JARID2: variants seen among roughly 807,000 people sequenced by gnomAD.
JARID2 encodes jumonji and AT-rich interaction domain containing 2, also known as protein Jumonji.
In JARID2, 21 loss-of-function variants were observed where a neutral mutation model predicts 125.6. That is an observed-to-expected ratio of 0.17 (90% CI 0.12 to 0.24). The LOEUF is 0.24. Among genes scored for constraint, JARID2 ranks in the 10% least tolerant of loss-of-function variants. JARID2 has a pLI of 1.00. For synonymous variants in JARID2, 736 were observed against 661.6 expected (o/e 1.11, Z -1.73); for missense variants, 1,303 against 1,639.6 (o/e 0.79, Z 3.55).
At chr6:15,332,970 C>T (rs1338134734) in intron 1 of JARID2, among the ~76,000 whole-genome samples, 3 of 121,538 alleles carry the variant, frequency 2.5e-5, no homozygotes, top group Non-Finnish European at 4.8e-5. Context: ...GAGACGGAGT[C>T]GCCCAGGCTG....
At chr6:15,383,168 A>ATT (rs572325061) in intron 2 of JARID2, among the ~76,000 whole-genome samples, 8 of 146,186 alleles carry the variant, frequency 5.5e-5, no homozygotes, top group African/African-American at 1.0e-4. Context: ...GTAGTCTAGA[A>ATT]TTTTTTTTTT....
chr6:15,379,301 T>A (rs1168948074), intron 2 of JARID2, among the ~76,000 whole-genome samples: 1 of 152,098 alleles, frequency 6.6e-6, no homozygotes, highest in Admixed American at 6.5e-5. Context: ...AGTGGTAAGA[T>A]TTGCTGATTG....
intron 2 of JARID2, among the ~76,000 whole-genome samples, chr6:15,383,944 G>A (rs941111114): frequency 1.3e-5 from 2 of 152,212 alleles, no homozygotes; most frequent in South Asian, 2.1e-4. Flanking sequence ...ACAGGCATGC[G>A]CCAAGACGCC....
intron 4 of JARID2, among the ~76,000 whole-genome samples, chr6:15,462,899 C>T (rs907140967): frequency 2.0e-5 from 3 of 152,212 alleles, no homozygotes; most frequent in Non-Finnish European, 4.4e-5. Context: ...TTAAAATGAT[C>T]TCTGTTGTTG....
chr6:15,415,573 G>GGCAGA (rs1766125358), intron 3 of JARID2, among the ~76,000 whole-genome samples: 1 of 150,012 alleles, frequency 6.7e-6, no homozygotes. Context: ...CTCCCGGACG[G>GGCAGA]GGCTGCTGGC....
At chr6:15,454,796 T>A (rs1768081475) in intron 4 of JARID2, among the ~76,000 whole-genome samples, 1 of 152,068 alleles carries the variant, frequency 6.6e-6, no homozygotes, top group African/African-American at 2.4e-5. Flanking sequence ...TTACATAGAT[T>A]TTGGCTGAAA....
intron 5 of JARID2, among the ~76,000 whole-genome samples, chr6:15,475,426 TC>T (rs1372912655): frequency 6.6e-6 from 1 of 152,152 alleles, no homozygotes; most frequent in Non-Finnish European, 1.5e-5. Context: ...GCACCACATC[TC>T]AGGCCACATC....
At chr6:15,417,751 C>T (rs966881492) in intron 3 of JARID2, among the ~76,000 whole-genome samples, 1 of 152,050 alleles carries the variant, frequency 6.6e-6, no homozygotes, top group South Asian at 2.1e-4. Context: ...CAAAAAAAAA[C>T]TAAATAAGCG....
intron 4 of JARID2, among the ~76,000 whole-genome samples, chr6:15,467,983 C>T (rs921276358): frequency 2.0e-5 from 3 of 152,042 alleles, no homozygotes; most frequent in Admixed American, 6.5e-5. Context: ...CTTAGTGCAG[C>T]GTGGGAATTT....
chr6:15,466,532 G>A (rs767147288), intron 4 of JARID2, among the ~76,000 whole-genome samples: 31 of 152,338 alleles, frequency 2.0e-4, no homozygotes, highest in Admixed American at 9.1e-4. Flanking sequence ...CTGACAGCAT[G>A]TGTTAGATCG....
intron 1 of JARID2, among the ~76,000 whole-genome samples, chr6:15,337,506 C>T (rs1420883259): frequency 2.6e-5 from 4 of 152,102 alleles, no homozygotes. Flanking sequence ...TGGTAGAAAG[C>T]CATGGTGGTA....
rs1051539937 is a variant in JARID2, at chr6:15,507,502, A to T, written c.2731+86A>T. The T allele has an allele frequency of 1.3e-5, 15 of 1,143,294 alleles. 1 individual carries two copies. The African/African-American group carries it at 2.1e-4, about 16-fold the overall frequency. 70.8% of individuals were successfully genotyped at this position (1,143,294 alleles called of 1,614,324 possible). On this transcript the variant is annotated intron_variant, in intron 11 of 17. Transcript: ENST00000341776. ...AACCAGGGCTGGGAAATCCCTTCTA[A>T]GCACTGCCGGGGAGGGATGGCGTCT...
chr6:15,342,974 A>G (rs1763117761), intron 1 of JARID2, among the ~76,000 whole-genome samples: 1 of 152,178 alleles, frequency 6.6e-6, no homozygotes, highest in Non-Finnish European at 1.5e-5. Context: ...TTGGGAGGCC[A>G]AGACATTTTG....
intron 2 of JARID2, among the ~76,000 whole-genome samples, chr6:15,394,766 C>T (rs1765155277): frequency 6.6e-6 from 1 of 152,122 alleles, no homozygotes; most frequent in African/African-American, 2.4e-5. Context: ...GAAAAGGGAA[C>T]AGCATGTGCA....
chr6:15,414,648 A>C (rs1458915465), intron 3 of JARID2, among the ~76,000 whole-genome samples: 1 of 152,346 alleles, frequency 6.6e-6, no homozygotes, highest in South Asian at 2.1e-4. Flanking sequence ...CGGAAAGGGC[A>C]GCCCAAGAAA....
intron 4 of JARID2, among the ~76,000 whole-genome samples, chr6:15,452,604 G>A (rs1231056192): frequency 6.6e-6 from 1 of 152,168 alleles, no homozygotes; most frequent in African/African-American, 2.4e-5. Context: ...CCATGGTGAT[G>A]AGGGACTTAC....
At chr6:15,506,629 G>A (rs1771017956) in intron 9 of JARID2, among the ~76,000 whole-genome samples, 2 of 152,182 alleles carry the variant, frequency 1.3e-5, no homozygotes, top group Admixed American at 6.5e-5. Flanking sequence ...CCTGGGCACC[G>A]CTGCTTGCCT....
rs764468103 is a variant in JARID2 at position 15,513,450 on chromosome 6, C to T, written c.3450+28C>T. ...GAGCCCGCCTGGCCCTGCCGGCGCC[C>T]TCGCATGTAGTGCTTGGCCTGAGAG... On this transcript the variant is annotated intron_variant, in intron 16 of 17. Transcript: ENST00000341776. The T allele has an allele frequency of 3.8e-6, 6 of 1,570,076 alleles. No individual in the cohort carries two copies. In the African/African-American group the frequency reaches 6.7e-5, roughly 18 times the overall value.
chr6:15,455,133 C>T (rs932213511), intron 4 of JARID2, among the ~76,000 whole-genome samples: 2 of 147,952 alleles, frequency 1.4e-5, no homozygotes, highest in Admixed American at 1.4e-4. Flanking sequence ...TTTGAGGCTG[C>T]AGTGAGACAT....
Sources: gnomAD v4.1 joint callset for allele counts (sites outside exome capture counted in the v4.1 genomes callset) on GRCh38, gnomAD v4.1.1 for gene constraint, MANE v1.5 for transcripts, NCBI Gene and HGNC (gene_info 2026-07-23, HGNC 2026-07-21) for gene names.